Variants in PDE4D observed in about 807,000 individuals in gnomAD.
The protein encoded by PDE4D is 3',5'-cyclic-AMP phosphodiesterase 4D.
Under a neutral mutation model 87.4 loss-of-function variants are expected in PDE4D, and 24 were observed. That is an observed-to-expected ratio of 0.27 (90% CI 0.20 to 0.39). The LOEUF is 0.39. Ranked by LOEUF, PDE4D falls within the 10% of genes least tolerant of loss-of-function variation. PDE4D has a pLI of 1.00. For missense variants in PDE4D, 714 were observed against 1,041.0 expected (o/e 0.69, Z 4.32); for synonymous variants, 384 against 383.2 (o/e 1.00, Z -0.02).
At chr5:59,297,375 T>C (rs542022007) in intron 1 of PDE4D, among the ~76,000 whole-genome samples, 14 of 152,310 alleles carry the variant, frequency 9.2e-5, no homozygotes, top group African/African-American at 3.4e-4. Context: ...TAGAATATTA[T>C]CACATACTTA....
At chr5:59,257,976 T>G (rs995350422) in intron 1 of PDE4D, among the ~76,000 whole-genome samples, 2 of 151,956 alleles carry the variant, frequency 1.3e-5, no homozygotes, top group Non-Finnish European at 2.9e-5. Flanking sequence ...TGGAGACTTG[T>G]AGGTAGGAAA....
chr5:60,247,897 C>T (rs960797188), intron 1 of PDE4D, among the ~76,000 whole-genome samples: 1 of 151,906 alleles, frequency 6.6e-6, no homozygotes, highest in African/African-American at 2.4e-5. Context: ...GAGATGTTGC[C>T]AAAAACAAAA....
intron 2 of PDE4D, among the ~76,000 whole-genome samples, chr5:60,136,762 A>AT (rs1321603311): frequency 6.6e-6 from 1 of 152,038 alleles, no homozygotes; most frequent in African/African-American, 2.4e-5. Flanking sequence ...GTTAATATAA[A>AT]TTTTTTTCAG....
At chr5:59,395,103 G>A in intron 1 of PDE4D, among the ~76,000 whole-genome samples, 1 of 152,056 alleles carries the variant, frequency 6.6e-6, no homozygotes, top group Non-Finnish European at 1.5e-5. Context: ...CTCGCTGATT[G>A]CTAGCACAGC....
intron 5 of PDE4D, among the ~76,000 whole-genome samples, chr5:59,050,531 G>A (rs1240873717): frequency 6.6e-6 from 1 of 152,170 alleles, no homozygotes; most frequent in Non-Finnish European, 1.5e-5. Context: ...TTATCCAGTT[G>A]TATATGAACT....
At chr5:59,888,951 G>A (rs159615) in intron 1 of PDE4D, among the ~76,000 whole-genome samples, 33,490 of 151,930 alleles carry the variant, frequency 0.22, 3,887 homozygotes, top group Middle Eastern at 0.29. Flanking sequence ...AATGTTGCCA[G>A]GCACGGTGGC....
At chr5:59,500,531 C>G (rs1808112465) in intron 1 of PDE4D, among the ~76,000 whole-genome samples, 1 of 152,126 alleles carries the variant, frequency 6.6e-6, no homozygotes, top group Admixed American at 6.5e-5. Flanking sequence ...CATGTTCTTA[C>G]TTATAAGTGG....
intron 2 of PDE4D, among the ~76,000 whole-genome samples, chr5:60,070,994 T>C (rs991294705): frequency 6.6e-5 from 10 of 152,034 alleles, no homozygotes; most frequent in African/African-American, 2.4e-4. Flanking sequence ...TCTCTTTTGA[T>C]TCTTTCTTAT....
chr5:59,429,254 A>G (rs974189825), intron 1 of PDE4D, among the ~76,000 whole-genome samples: 1 of 152,210 alleles, frequency 6.6e-6, no homozygotes, highest in African/African-American at 2.4e-5. Flanking sequence ...CTTAGGACAC[A>G]CTTTTCTGAA....
chr5:58,979,331 G>T (rs569684368), intron 11 of PDE4D, among the ~76,000 whole-genome samples: 1 of 152,320 alleles, frequency 6.6e-6, no homozygotes, highest in Non-Finnish European at 1.5e-5. Flanking sequence ...GGATGCCTTA[G>T]TGGACTGGCA....
chr5:60,050,018 A>C (rs925477409), intron 2 of PDE4D, among the ~76,000 whole-genome samples: 9 of 151,984 alleles, frequency 5.9e-5, no homozygotes, highest in Non-Finnish European at 1.3e-4. Context: ...AATCAGCGAG[A>C]CTCTGTTGGC....
At chr5:59,197,694 C>A (rs1304343413) in intron 2 of PDE4D, among the ~76,000 whole-genome samples, 1 of 152,148 alleles carries the variant, frequency 6.6e-6, no homozygotes, top group Non-Finnish European at 1.5e-5. Context: ...GTGTCTTACA[C>A]TTTGCTTATA....
At chr5:59,155,961 G>A (rs542410090) in intron 5 of PDE4D, among the ~76,000 whole-genome samples, 16 of 152,248 alleles carry the variant, frequency 1.1e-4, no homozygotes, top group African/African-American at 3.6e-4. Context: ...AGAGCTGCTG[G>A]TTTGGGAGGC....
intron 3 of PDE4D, among the ~76,000 whole-genome samples, chr5:59,967,540 AC>A (rs1760182235): frequency 6.6e-6 from 1 of 152,194 alleles, no homozygotes. Flanking sequence ...GCAAATCAAA[AC>A]CACAATAAGA....
chr5:60,260,637 A>G (rs1749552521), intron 1 of PDE4D, among the ~76,000 whole-genome samples: 1 of 152,102 alleles, frequency 6.6e-6, no homozygotes, highest in Non-Finnish European at 1.5e-5. Context: ...TGTTCTCTAA[A>G]TATCTGTCAA....
intron 2 of PDE4D, among the ~76,000 whole-genome samples, chr5:60,176,411 G>A (rs1277496719): frequency 6.6e-6 from 1 of 152,042 alleles, no homozygotes; most frequent in African/African-American, 2.4e-5. Context: ...GAATGAGAAC[G>A]ACACTCTGAA....
intron 1 of PDE4D, among the ~76,000 whole-genome samples, chr5:60,506,251 A>G (rs1750315309): frequency 6.6e-6 from 1 of 152,254 alleles, no homozygotes; most frequent in African/African-American, 2.4e-5. Flanking sequence ...ATGCACCAAC[A>G]TGCACACAAA....
chr5:59,202,798 T>C (rs1180282810), intron 2 of PDE4D, among the ~76,000 whole-genome samples: 1 of 152,178 alleles, frequency 6.6e-6, no homozygotes, highest in Non-Finnish European at 1.5e-5. Context: ...ACCATGATTG[T>C]GAGGCCTCCC....
intron 1 of PDE4D, among the ~76,000 whole-genome samples, chr5:60,332,906 GAATTAT>G (rs1248188370): frequency 6.6e-6 from 1 of 152,154 alleles, no homozygotes; most frequent in Non-Finnish European, 1.5e-5. Flanking sequence ...CTGAGATCAG[GAATTAT>G]AATTCATGCT....
Sources: allele counts gnomAD v4.1 joint callset (sites outside exome capture counted in the v4.1 genomes callset), GRCh38; gene constraint gnomAD v4.1.1; transcripts MANE v1.5; gene names NCBI Gene and HGNC (gene_info 2026-07-23, HGNC 2026-07-21).